The following THSD7A variants were observed in gnomAD, a reference collection of about 807,000 sequenced individuals.
THSD7A encodes the protein thrombospondin type-1 domain-containing protein 7A.
A neutral mutation model predicts 231.3 loss-of-function variants in THSD7A; 96 were observed. The ratio of observed to expected loss-of-function variants is 0.41; its 90% CI spans 0.35 to 0.49. The LOEUF (loss-of-function observed/expected upper bound fraction) is 0.49, where lower values mean the gene tolerates loss of function less well. Ranked by LOEUF, THSD7A falls within the 20% of genes least tolerant of loss-of-function variation. The pLI is 0.05. For missense variants in THSD7A, 2,290 were observed against 2,070.2 expected (o/e 1.11, Z -2.06); for synonymous variants, 940 against 743.3 (o/e 1.26, Z -4.30).
chr7:11,428,828 G>T, intron 14 of THSD7A, 119 bp downstream of exon 14: 1 of 1,142,970 alleles, frequency 8.7e-7, no homozygotes, highest in Non-Finnish European at 1.2e-6. Flanking sequence ...GCATTCTAAT[G>T]GTAAAAATGG....
chr7:11,562,275 A>G (rs985684334), intron 4 of THSD7A, among the ~76,000 whole-genome samples: 3 of 147,144 alleles, frequency 2.0e-5, no homozygotes, highest in African/African-American at 7.5e-5. Context: ...TCATAAAAAT[A>G]TATCTTTGAA....
At chr7:11,724,791 A>G (rs1176320001) in intron 1 of THSD7A, among the ~76,000 whole-genome samples, 1 of 151,960 alleles carries the variant, frequency 6.6e-6, no homozygotes, top group Non-Finnish European at 1.5e-5. Flanking sequence ...AAATTCAAGG[A>G]GAAACATATG....
intron 13 of THSD7A, among the ~76,000 whole-genome samples, chr7:11,435,018 T>G (rs539759554): frequency 3.9e-5 from 6 of 152,038 alleles, no homozygotes; most frequent in African/African-American, 1.4e-4. Context: ...TTAATTATAT[T>G]TATTCATTTT....
intron 1 of THSD7A, among the ~76,000 whole-genome samples, chr7:11,639,647 A>G (rs1056379951): frequency 1.6e-4 from 25 of 151,750 alleles, no homozygotes; most frequent in Non-Finnish European, 3.5e-4. Flanking sequence ...CAGCCTGGGC[A>G]ACAGATTGAG....
intron 4 of THSD7A, among the ~76,000 whole-genome samples, chr7:11,552,660 T>C (rs186227057): frequency 6.6e-6 from 1 of 152,088 alleles, no homozygotes; most frequent in East Asian, 1.9e-4. Context: ...GCCTGTAAAA[T>C]TGAGCTGCAG....
At chr7:11,544,569 C>A (rs950088531) in intron 4 of THSD7A, among the ~76,000 whole-genome samples, 2 of 152,138 alleles carry the variant, frequency 1.3e-5, no homozygotes, top group Non-Finnish European at 2.9e-5. Context: ...ACTACATTTT[C>A]CTAACTTTTA....
chr7:11,707,379 T>C (rs577365074), intron 1 of THSD7A, among the ~76,000 whole-genome samples: 2 of 151,012 alleles, frequency 1.3e-5, no homozygotes, highest in Non-Finnish European at 3.0e-5. Context: ...ATCTTCTGTT[T>C]ACCATGGCAT....
chr7:11,612,238 G>T (rs1211774574), intron 2 of THSD7A, among the ~76,000 whole-genome samples: 1 of 152,084 alleles, frequency 6.6e-6, no homozygotes, highest in Non-Finnish European at 1.5e-5. Flanking sequence ...GGCCCATGCT[G>T]CAGGCATCCC....
chr7:11,660,580 T>A (rs573420401), intron 1 of THSD7A, among the ~76,000 whole-genome samples: 1 of 151,434 alleles, frequency 6.6e-6, no homozygotes, highest in South Asian at 2.1e-4. Flanking sequence ...ATGATAAAAG[T>A]GATACATTAC....
chr7:11,416,131 T>C (rs1005899679), intron 17 of THSD7A, among the ~76,000 whole-genome samples: 3 of 152,112 alleles, frequency 2.0e-5, no homozygotes, highest in African/African-American at 4.8e-5. Context: ...ATCCAAACAT[T>C]CCTATTGGCA....
At chr7:11,478,438 C>T (rs1786283951) in intron 7 of THSD7A, among the ~76,000 whole-genome samples, 1 of 152,122 alleles carries the variant, frequency 6.6e-6, no homozygotes, top group East Asian at 1.9e-4. Flanking sequence ...GGTTGCTCCT[C>T]ACCCAGTTGG....
intron 3 of THSD7A, among the ~76,000 whole-genome samples, 175 bp downstream of exon 3, chr7:11,593,079 A>T (rs1278138017): frequency 6.6e-6 from 1 of 152,138 alleles, no homozygotes; most frequent in East Asian, 1.9e-4. Context: ...TTTCATGGAG[A>T]TTTAGTTTGT....
rs370068214 is a variant in THSD7A at position 11,729,858 on chromosome 7, C to G, written c.191-92897G>C. On this transcript the variant is annotated intron_variant, in intron 1 of 27. Transcript: ENST00000423059. ...CTTATGTTTGGAAACAAAATTTTTT[C>G]ACTTGTTTAAAAATATTTTAGATAA... Among the ~76,000 whole-genome samples the G allele has an allele frequency of 8.6e-5, 13 of 151,634 alleles. No homozygotes were observed. In the East Asian group the frequency reaches 1.6e-3, roughly 18 times the overall value.
At chr7:11,700,569 A>G (rs1413942311) in intron 1 of THSD7A, among the ~76,000 whole-genome samples, 1 of 151,288 alleles carries the variant, frequency 6.6e-6, no homozygotes, top group Non-Finnish European at 1.5e-5. Context: ...TTCATTGAAA[A>G]TTATGGATAA....
At chr7:11,718,011 T>A (rs1460434054) in intron 1 of THSD7A, among the ~76,000 whole-genome samples, 1 of 151,554 alleles carries the variant, frequency 6.6e-6, no homozygotes, top group African/African-American at 2.4e-5. Flanking sequence ...TCAAAACTAA[T>A]CTCTATGCAC....
chr7:11,376,914 A>G (rs17164512), intron 26 of THSD7A: 4,623 of 305,096 alleles, frequency 0.015, 179 homozygotes, highest in African/African-American at 0.081. Flanking sequence ...TTCTTTGGCT[A>G]AACTTCAGCT....
intron 1 of THSD7A, among the ~76,000 whole-genome samples, chr7:11,699,888 A>G (rs778172459): frequency 2.1e-4 from 32 of 151,288 alleles, no homozygotes; most frequent in Non-Finnish European, 4.3e-4. Flanking sequence ...CTGAAAGTGT[A>G]CACATAGATG....
At chr7:11,737,150 G>T (rs1262071699) in intron 1 of THSD7A, among the ~76,000 whole-genome samples, 1 of 151,954 alleles carries the variant, frequency 6.6e-6, no homozygotes, top group Non-Finnish European at 1.5e-5. Context: ...AGCAGCATGA[G>T]AACAAATGAA....
At chr7:11,716,659 G>A (rs981884297) in intron 1 of THSD7A, among the ~76,000 whole-genome samples, 1 of 151,480 alleles carries the variant, frequency 6.6e-6, no homozygotes. Flanking sequence ...TATGCCTCAT[G>A]TTATTCAATT....
Sources: gnomAD v4.1 joint callset for allele counts (sites outside exome capture counted in the v4.1 genomes callset) on GRCh38, gnomAD v4.1.1 for gene constraint, MANE v1.5 for transcripts, NCBI Gene and HGNC (gene_info 2026-07-23, HGNC 2026-07-21) for gene names.